TNIK: variants seen among roughly 807,000 people sequenced by gnomAD.
TNIK encodes the protein TRAF2 and NCK-interacting protein kinase.
A neutral mutation model predicts 191.3 loss-of-function variants in TNIK; 49 were observed. The observed-to-expected ratio is 0.26, with a 90% CI of 0.20 to 0.32. TNIK has a LOEUF of 0.32. TNIK is among the 10% of genes least tolerant of loss of function. TNIK has a pLI of 1.00. For missense variants in TNIK, 1,155 were observed against 1,702.3 expected (o/e 0.68, Z 5.66); for synonymous variants, 594 against 600.9 (o/e 0.99, Z 0.17).
At position 171,101,552 on chromosome 3, in the gene TNIK, A is replaced by G. The variant is rs1723564532; in HGVS notation, c.2488T>C (p.Ser830Pro). The change falls in exon 22 of 33, where the codon TCC becomes CCC. Residue 830 changes from serine to proline, a missense_variant. Ser to Pro is a moderately conservative substitution (Grantham distance 74). Around this residue, in one of 3 missense-constraint regions of TNIK, gnomAD observed 735 missense variants for 848.0 expected, o/e 0.87. Coordinates refer to ENST00000436636, the MANE Select transcript of TNIK (RefSeq NM_015028.4). ...NRPMKKVTDYSSSSEESESSE... is the reference protein window; with the variant it reads ...NRPMKKVTDYPSSSEESESSE... ...CTTTCTGACTCCTCACTGGAGGAGGAGTAATCAGTCACCTTCTTCATTGGG... is the reference window on the plus strand; with the variant it reads ...CTTTCTGACTCCTCACTGGAGGAGGGGTAATCAGTCACCTTCTTCATTGGG... 1 of 1,613,332 alleles carries G rather than the reference A, an allele frequency of 6.2e-7. No individual in the cohort carries two copies. Among genetic ancestry groups the G allele is most frequent in the Non-Finnish European group, 8.5e-7 (1 of 1,179,584 alleles).
At chr3:171,154,259 C>CA (rs33932410) in intron 12 of TNIK, among the ~76,000 whole-genome samples, 3,008 of 137,554 alleles carry the variant, frequency 0.022, 68 homozygotes, top group African/African-American at 0.057. Context: ...GATATCTCTT[C>CA]AAAAAAAAAA....
intron 1 of TNIK, among the ~76,000 whole-genome samples, chr3:171,383,281 C>G (rs1718303673): frequency 6.6e-6 from 1 of 152,214 alleles, no homozygotes. Context: ...CATGCTGGAG[C>G]TTGTGGTCTC....
At chr3:171,136,545 AG>A (rs1484676463) in intron 15 of TNIK, among the ~76,000 whole-genome samples, 14 of 152,322 alleles carry the variant, frequency 9.2e-5, no homozygotes, top group South Asian at 6.2e-4. Context: ...TAATAGGACA[AG>A]CTCGTCCATC....
intron 1 of TNIK, among the ~76,000 whole-genome samples, chr3:171,455,697 T>C (rs181782574): frequency 1.3e-5 from 2 of 152,354 alleles, no homozygotes; most frequent in East Asian, 1.9e-4. Context: ...GAAACCAGTA[T>C]GTGAGAAAGG....
intron 2 of TNIK, among the ~76,000 whole-genome samples, chr3:171,285,783 TTG>T (rs1389040739): frequency 9.2e-5 from 14 of 152,282 alleles, no homozygotes; most frequent in South Asian, 2.1e-4. Context: ...TTGAAAGTTC[TTG>T]TGTGTTTTTT....
chr3:171,247,105 T>C (rs921849515), intron 2 of TNIK, among the ~76,000 whole-genome samples: 3 of 152,224 alleles, frequency 2.0e-5, no homozygotes, highest in African/African-American at 7.2e-5. Flanking sequence ...AACAGCTTCC[T>C]GTGTCACGTA....
intron 2 of TNIK, among the ~76,000 whole-genome samples, chr3:171,351,267 A>ATGTGTGTGTGTGTGTGTGTGTG (rs1161906508): frequency 8.7e-5 from 4 of 45,886 alleles, no homozygotes; most frequent in Admixed American, 6.4e-4. Context: ...ATATATATGT[A>ATGTGTGTGTGTGTGTGTGTGTG]TATATGTGTG....
chr3:171,420,761 G>A (rs1030244284), intron 1 of TNIK, among the ~76,000 whole-genome samples: 4 of 152,186 alleles, frequency 2.6e-5, no homozygotes, highest in East Asian at 1.9e-4. Context: ...AGGGTTACTC[G>A]AACGCAAGCA....
chr3:171,414,119 C>T (rs1227332470), intron 1 of TNIK, among the ~76,000 whole-genome samples: 1 of 152,188 alleles, frequency 6.6e-6, no homozygotes, highest in Non-Finnish European at 1.5e-5. Flanking sequence ...CTTAGACGTA[C>T]CAATCCTTCT....
Position 171,059,801 on chromosome 3 carries a change from G to T in TNIK, c.*4080C>A, listed in dbSNP as rs1192104269. On this transcript the variant is annotated 3_prime_UTR_variant, in exon 33 of 33. Transcript: ENST00000436636. ...AGGGGAGGTCAGTTTTTGGTTGGTT[G>T]GTTATGTTTTGCTTGATTTGGTTAG... Among the ~76,000 whole-genome samples, 1 of 152,042 alleles carries T rather than the reference G, an allele frequency of 6.6e-6. No homozygotes were observed. Among genetic ancestry groups the T allele is most frequent in the Non-Finnish European group, 1.5e-5 (1 of 67,984 alleles).
chr3:171,441,498 A>T (rs1469249992), intron 1 of TNIK, among the ~76,000 whole-genome samples: 3 of 152,080 alleles, frequency 2.0e-5, no homozygotes, highest in Non-Finnish European at 4.4e-5. Context: ...CTTCATTTTT[A>T]TTGCCTAATA....
At chr3:171,371,105 T>C (rs1220349370) in intron 1 of TNIK, among the ~76,000 whole-genome samples, 1 of 151,982 alleles carries the variant, frequency 6.6e-6, no homozygotes, top group Non-Finnish European at 1.5e-5. Context: ...CTAGCCATGC[T>C]CTTGTGAAGA....
intron 2 of TNIK, among the ~76,000 whole-genome samples, chr3:171,342,091 CT>C (rs1194416024): frequency 6.6e-6 from 1 of 152,168 alleles, no homozygotes. Flanking sequence ...TGAGTTTGGC[CT>C]CTTTATGTTA....
At chr3:171,364,585 A>G (rs1056624057) in intron 2 of TNIK, among the ~76,000 whole-genome samples, 8 of 152,330 alleles carry the variant, frequency 5.3e-5, no homozygotes, top group African/African-American at 1.2e-4. Context: ...TAGACAGACT[A>G]GGTCTCTGAC....
intron 26 of TNIK, 26 bp downstream of exon 26, chr3:171,084,123 TAAAAAA>T: frequency 5.0e-6 from 7 of 1,393,516 alleles, no homozygotes; most frequent in Middle Eastern, 1.9e-4. Flanking sequence ...AGTGGTTATT[TAAAAAA>T]AAAAAAAAAA....
At position 171,190,767 on chromosome 3, in the gene TNIK, C is replaced by A; in HGVS notation, c.438G>T (p.Gln146His). Residue 146 changes from glutamine to histidine, a missense_variant, in exon 6 of 33, where the codon CAG (glutamine) becomes CAT (histidine). Around this residue, in one of 3 missense-constraint regions of TNIK, gnomAD observed 225 missense variants for 438.9 expected, o/e 0.51. Transcript: ENST00000436636. ...TAATATCTCGATGAATCACTTTATGCTGGTGCAGGTGACTCAGCCCCTGGA... is the reference window on the plus strand; with the variant it reads ...TAATATCTCGATGAATCACTTTATGATGGTGCAGGTGACTCAGCCCCTGGA... ...EILRGLSHLH[Q>H]HKVIHRDIKG... The A allele has an allele frequency of 6.3e-7, 1 of 1,594,234 alleles. No individual in the cohort carries two copies. The highest frequency in any genetic ancestry group is 2.2e-5 in the East Asian group (1 of 44,514).
intron 2 of TNIK, among the ~76,000 whole-genome samples, chr3:171,336,527 G>T (rs1756965384): frequency 6.6e-6 from 1 of 152,148 alleles, no homozygotes; most frequent in Non-Finnish European, 1.5e-5. Flanking sequence ...AGCATAAACA[G>T]CTCTGAGGAA....
At chr3:171,092,097 C>T (rs1722149590) in intron 23 of TNIK, among the ~76,000 whole-genome samples, 1 of 151,830 alleles carries the variant, frequency 6.6e-6, no homozygotes, top group African/African-American at 2.4e-5. Flanking sequence ...CTACAGGCGC[C>T]CGCCACGACG....
intron 1 of TNIK, among the ~76,000 whole-genome samples, chr3:171,402,888 A>C (rs1025232064): frequency 6.6e-6 from 1 of 152,228 alleles, no homozygotes; most frequent in South Asian, 2.1e-4. Context: ...CTAACAGTAA[A>C]GTATATTTTT....
Sources: gnomAD v4.1 joint callset for allele counts (sites outside exome capture counted in the v4.1 genomes callset) on GRCh38, gnomAD v4.1.1 for gene constraint, gnomAD v4.1.1 regional missense constraint, MANE v1.5 for transcripts, NCBI Gene and HGNC (gene_info 2026-07-23, HGNC 2026-07-21) for gene names.